Variants in CDKN2B-AS1 observed in about 807,000 individuals in gnomAD.
The protein encoded by CDKN2B-AS1 is CDKN2B antisense RNA 1 (non-protein coding).
chr9:22,057,451 T>G (rs1191995501), intron 4 of CDKN2B-AS1, among the ~76,000 whole-genome samples: 1 of 152,140 alleles, frequency 6.6e-6, no homozygotes, highest in Non-Finnish European at 1.5e-5. Flanking sequence ...AGATGCAGCA[T>G]CTAGTCAAAA....
At chr9:22,098,467 T>A (rs949084616) in intron 4 of CDKN2B-AS1, among the ~76,000 whole-genome samples, 2 of 151,598 alleles carry the variant, frequency 1.3e-5, no homozygotes, top group Admixed American at 6.6e-5. Context: ...ACGATATGTA[T>A]CACCTTTATA....
intron 4 of CDKN2B-AS1, among the ~76,000 whole-genome samples, chr9:22,117,205 C>G (rs373308004): frequency 6.6e-6 from 1 of 152,160 alleles, no homozygotes; most frequent in Non-Finnish European, 1.5e-5. Flanking sequence ...CTAAAGAGCT[C>G]AGACTTCTCA....
intron 4 of CDKN2B-AS1, among the ~76,000 whole-genome samples, chr9:22,067,943 A>G (rs1443043449): frequency 6.6e-6 from 1 of 152,162 alleles, no homozygotes; most frequent in Non-Finnish European, 1.5e-5. Flanking sequence ...TATTTCAGGA[A>G]TGCAAATATC....
chr9:22,102,361 T>G (rs931671411), intron 4 of CDKN2B-AS1, among the ~76,000 whole-genome samples: 8 of 152,218 alleles, frequency 5.3e-5, no homozygotes, highest in African/African-American at 1.7e-4. Context: ...TTGTGTAAGT[T>G]TTCTATGGTT....
chr9:22,024,207 G>T (rs562936524), intron 1 of CDKN2B-AS1, among the ~76,000 whole-genome samples: 3 of 152,166 alleles, frequency 2.0e-5, no homozygotes, highest in Non-Finnish European at 2.9e-5. Flanking sequence ...ACTTTAGGGG[G>T]CCATCGTTCA....
At chr9:22,064,855 A>G (rs373006347) in intron 4 of CDKN2B-AS1, among the ~76,000 whole-genome samples, 2 of 152,340 alleles carry the variant, frequency 1.3e-5, no homozygotes, top group South Asian at 4.1e-4. Context: ...GGTGGGCATA[A>G]CAATAATGTT....
At chr9:22,114,296 A>C in intron 4 of CDKN2B-AS1, among the ~76,000 whole-genome samples, 1 of 152,194 alleles carries the variant, frequency 6.6e-6, no homozygotes, top group East Asian at 1.9e-4. Context: ...TCCTAAATAC[A>C]TTAAAAGTCC....
intron 1 of CDKN2B-AS1, chr9:22,009,347 A>T (rs1381617826): frequency 5.2e-6 from 2 of 384,190 alleles, no homozygotes; most frequent in Non-Finnish European, 9.5e-6. Context: ...AGCTGGGCCA[A>T]GGGGCCGGCG....
intron 4 of CDKN2B-AS1, among the ~76,000 whole-genome samples, chr9:22,075,184 G>T (rs1424852024): frequency 3.3e-5 from 5 of 152,196 alleles, no homozygotes; most frequent in Non-Finnish European, 5.9e-5. Context: ...TTGAGGTTTA[G>T]AAAGCACTGC....
intron 4 of CDKN2B-AS1, chr9:22,092,558 G>A (rs1274637643): frequency 2.0e-5 from 3 of 152,168 alleles, no homozygotes; most frequent in African/African-American, 7.2e-5. Context: ...TTGAGAGGAT[G>A]TATGTGTCGA....
intron 4 of CDKN2B-AS1, among the ~76,000 whole-genome samples, chr9:22,070,740 C>A (rs1029481217): frequency 6.6e-6 from 1 of 152,138 alleles, no homozygotes; most frequent in African/African-American, 2.4e-5. Context: ...AAATGCCTGC[C>A]TCTGGTGCAC....
intron 1 of CDKN2B-AS1, among the ~76,000 whole-genome samples, chr9:22,025,904 C>T (rs1822216801): frequency 6.6e-6 from 1 of 152,176 alleles, no homozygotes; most frequent in South Asian, 2.1e-4. Context: ...CTCAGACACT[C>T]TGAAGCCCAA....
At chr9:22,117,164 A>G (rs1307333798) in intron 4 of CDKN2B-AS1, among the ~76,000 whole-genome samples, 1 of 152,246 alleles carries the variant, frequency 6.6e-6, no homozygotes, top group Non-Finnish European at 1.5e-5. Flanking sequence ...CTTTTAAGAT[A>G]TAGAAAATTC....
chr9:22,122,500 T>G (rs1056235268), intron 4 of CDKN2B-AS1, among the ~76,000 whole-genome samples: 1 of 152,130 alleles, frequency 6.6e-6, no homozygotes, highest in Non-Finnish European at 1.5e-5. Context: ...ATTTCTTCTA[T>G]GTTTTCTTCT....
At chr9:22,008,947 C>T in intron 1 of CDKN2B-AS1, 1 of 1,612,996 alleles carries the variant, frequency 6.2e-7, no homozygotes, top group Non-Finnish European at 8.5e-7. Context: ...TTGTTCTCCT[C>T]GCGCATTCCG....
intron 1 of CDKN2B-AS1, among the ~76,000 whole-genome samples, chr9:22,019,220 C>G (rs1050599526): frequency 6.6e-6 from 1 of 152,064 alleles, no homozygotes; most frequent in African/African-American, 2.4e-5. Context: ...TAAGGATAAG[C>G]CATTGATGTG....
At chr9:22,072,769 T>C (rs554596512) in intron 4 of CDKN2B-AS1, among the ~76,000 whole-genome samples, 4 of 152,284 alleles carry the variant, frequency 2.6e-5, no homozygotes, top group East Asian at 3.9e-4. Flanking sequence ...GCACCACAGA[T>C]TTAGAATTTC....
intron 4 of CDKN2B-AS1, among the ~76,000 whole-genome samples, chr9:22,068,681 G>A (rs974291071): frequency 6.6e-6 from 1 of 152,190 alleles, no homozygotes; most frequent in South Asian, 2.1e-4. Flanking sequence ...TACTGAATGA[G>A]CTCCTTTAGT....
At chr9:22,109,491 G>A (rs545734606) in intron 4 of CDKN2B-AS1, among the ~76,000 whole-genome samples, 5 of 152,196 alleles carry the variant, frequency 3.3e-5, no homozygotes, top group South Asian at 2.1e-4. Flanking sequence ...CGTTTCCTGC[G>A]TGTACTTATT....
Sources: gnomAD v4.1 joint callset for allele counts (sites outside exome capture counted in the v4.1 genomes callset) on GRCh38, gnomAD v4.1.1 for gene constraint, MANE v1.5 for transcripts, NCBI Gene and HGNC (gene_info 2026-07-23, HGNC 2026-07-21) for gene names.